Variants in SOX5 observed in about 807,000 individuals in gnomAD.
SOX5 encodes transcription factor SOX-5.
A neutral mutation model predicts 92.0 loss-of-function variants in SOX5; 9 were observed. The observed-to-expected ratio is 0.10, with a 90% confidence interval of 0.06 to 0.17. The LOEUF (loss-of-function observed/expected upper bound fraction) is 0.17. SOX5 is among the 10% of genes least tolerant of loss of function. SOX5 has a pLI of 1.00. For synonymous variants in SOX5, 344 were observed against 336.3 expected (o/e 1.02, Z -0.25); for missense variants, 642 against 944.5 (o/e 0.68, Z 4.20).
intron 10 of SOX5, among the ~76,000 whole-genome samples, chr12:23,567,656 A>G (rs921231974): frequency 2.1e-4 from 32 of 151,778 alleles, no homozygotes; most frequent in African/African-American, 7.7e-4. Flanking sequence ...GAGTCTTGCT[A>G]TGTTGCCCAG....
At chr12:23,855,241 A>C (rs1310911195) in intron 2 of SOX5, among the ~76,000 whole-genome samples, 2 of 152,018 alleles carry the variant, frequency 1.3e-5, no homozygotes, top group African/African-American at 4.8e-5. Flanking sequence ...AAATTTATTT[A>C]ATGTGGCCCA....
chr12:23,970,840 A>ATTTTTTTTTTTT lies in SOX5; in HGVS notation c.-1-74817_-1-74816insAAAAAAAAAAAA. Among the ~76,000 whole-genome samples, 109 of 33,474 alleles carry ATTTTTTTTTTTT rather than the reference A, an allele frequency of 3.3e-3. 11 individuals are homozygous for ATTTTTTTTTTTT. Among genetic ancestry groups the ATTTTTTTTTTTT allele is most frequent in the African/African-American group, 0.011 (104 of 9,762 alleles). The allele number at this position is 33,474 out of a possible 152,430, so 22.0% of individuals were successfully genotyped here. ...CACATGGGACTTTATATATATATAT[A>ATTTTTTTTTTTT]ATTTTTTTTTTTTTTTAAGAAATGG... On this transcript the variant is annotated intron_variant, in intron 4 of 4. Coordinates refer to the SOX5 transcript ENST00000446891.
At chr12:24,314,574 A>G (rs73287618) in intron 2 of SOX5, among the ~76,000 whole-genome samples, 3,775 of 152,166 alleles carry the variant, frequency 0.025, 148 homozygotes, top group African/African-American at 0.087. Context: ...AAAAAAAATT[A>G]TAACAGTTCT....
Position 24,282,988 on chromosome 12 carries a change from G to A in SOX5, c.-173-5676C>T, listed in dbSNP as rs142820766. ...CTTATGTGAGTTTCTTTGGCCAAGT[G>A]ATTAAAATACTTTAGCTTCTGTAAA... On this transcript the variant is annotated intron_variant, in intron 2 of 4. Transcript: ENST00000446891. Among the ~76,000 whole-genome samples, 61 of 152,306 alleles carry A rather than the reference G, an allele frequency of 4.0e-4. No individual in the cohort carries two copies. The East Asian group carries it at 0.011, about 27-fold the overall frequency.
chr12:24,312,677 G>C (rs933984385), intron 2 of SOX5, among the ~76,000 whole-genome samples: 1 of 152,140 alleles, frequency 6.6e-6, no homozygotes, highest in African/African-American at 2.4e-5. Flanking sequence ...AATTCAGAAA[G>C]ACATTTAATT....
chr12:23,706,126 T>A (rs551400494), intron 6 of SOX5, among the ~76,000 whole-genome samples: 6 of 152,074 alleles, frequency 3.9e-5, no homozygotes, highest in South Asian at 2.1e-4. Context: ...AGGGACATAA[T>A]CCCTTGTGTA....
intron 4 of SOX5, among the ~76,000 whole-genome samples, chr12:24,106,054 A>G (rs979922465): frequency 1.3e-5 from 2 of 152,206 alleles, no homozygotes; most frequent in African/African-American, 4.8e-5. Context: ...AAACTATAAA[A>G]GAAAAAATTG....
intron 4 of SOX5, among the ~76,000 whole-genome samples, chr12:23,999,082 A>T (rs1951328844): frequency 6.6e-6 from 1 of 151,870 alleles, no homozygotes; most frequent in South Asian, 2.1e-4. Flanking sequence ...CAGAAATAAA[A>T]AGGCCAGAAG....
At chr12:24,358,677 A>C (rs1323696569) in intron 2 of SOX5, among the ~76,000 whole-genome samples, 1 of 152,186 alleles carries the variant, frequency 6.6e-6, no homozygotes, top group Non-Finnish European at 1.5e-5. Context: ...GCTAATAAAC[A>C]TTATCAATAA....
At chr12:23,591,171 C>G (rs1258883239) in intron 9 of SOX5, among the ~76,000 whole-genome samples, 1 of 151,804 alleles carries the variant, frequency 6.6e-6, no homozygotes. Context: ...CATATTACTG[C>G]AGTTAAAAAA....
At chr12:23,856,599 C>G (rs562217802) in intron 2 of SOX5, among the ~76,000 whole-genome samples, 23 of 152,180 alleles carry the variant, frequency 1.5e-4, no homozygotes, top group Middle Eastern at 3.4e-3. Context: ...AAACTCCTTG[C>G]TGTGGTCATC....
At chr12:23,572,636 TAAC>T (rs1195540007) in intron 10 of SOX5, among the ~76,000 whole-genome samples, 3 of 152,192 alleles carry the variant, frequency 2.0e-5, no homozygotes, top group Admixed American at 6.5e-5. Context: ...ATTCCAGTTC[TAAC>T]AACATCACAA....
rs1939124420 is a variant in SOX5 at position 23,531,709 on chromosome 12, A to T, written c.*2510T>A. 1 of 152,270 alleles carries T rather than the reference A, an allele frequency of 6.6e-6. No homozygotes were observed. Among genetic ancestry groups the T allele is most frequent in the South Asian group, 2.1e-4 (1 of 4,828 alleles). 9.4% of individuals were successfully genotyped at this position (152,270 alleles called of 1,614,324 possible). On this transcript the variant is annotated 3_prime_UTR_variant, in exon 15 of 15. Coordinates refer to ENST00000451604, the MANE Select transcript of SOX5 (RefSeq NM_006940.6). ...ACAAAACAAACAAAAACAAAAAAAAATTGGCTCTAGATGACTGTGGCAATT... is the reference window on the plus strand; with the variant it reads ...ACAAAACAAACAAAAACAAAAAAAATTTGGCTCTAGATGACTGTGGCAATT...
At chr12:24,288,547 T>C (rs1946197669) in intron 2 of SOX5, among the ~76,000 whole-genome samples, 1 of 147,234 alleles carries the variant, frequency 6.8e-6, no homozygotes, top group Non-Finnish European at 1.5e-5. Flanking sequence ...TGAGATAAAT[T>C]GTTCATAAAA....
At chr12:23,543,086 T>G in intron 13 of SOX5, 125 bp downstream of exon 13, 1 of 678,418 alleles carries the variant, frequency 1.5e-6, no homozygotes, top group Non-Finnish European at 2.4e-6. Flanking sequence ...ATGATGATGT[T>G]TATTTTCTGG....
At chr12:24,326,398 C>T (rs1010912141) in intron 2 of SOX5, among the ~76,000 whole-genome samples, 3 of 152,112 alleles carry the variant, frequency 2.0e-5, no homozygotes, top group African/African-American at 7.2e-5. Flanking sequence ...TAATTGAGGG[C>T]TCACTGTACC....
rs1425235823 is a variant in SOX5 at position 24,320,868 on chromosome 12, AAAAAAT to A, written c.-173-43562_-173-43557del. 4.8e-5 allele frequency among the ~76,000 whole-genome samples: 7 copies of A among 145,716 alleles called. 1 individual carries two copies. The South Asian group carries it at 1.1e-3, about 22-fold the overall frequency. ...CGACAGAGCAAGACTCTGTCTCAAA[AAAAAAT>A]AATAATAATAATAATAATAATAATA... On this transcript the variant is annotated intron_variant, in intron 2 of 4. Coordinates refer to the SOX5 transcript ENST00000446891.
chr12:23,929,022 G>GT (rs758313975), intron 1 of SOX5, among the ~76,000 whole-genome samples: 44 of 151,114 alleles, frequency 2.9e-4, no homozygotes, highest in African/African-American at 5.6e-4. Flanking sequence ...CTCTGGTAGT[G>GT]TTTTTTTAAA....
chr12:23,552,268 AC>A (rs912096357), intron 11 of SOX5, among the ~76,000 whole-genome samples: 1 of 151,908 alleles, frequency 6.6e-6, no homozygotes, highest in African/African-American at 2.4e-5. Flanking sequence ...AGTTCAGAGC[AC>A]TTGGTAGAGG....
Sources: allele counts gnomAD v4.1 joint callset (sites outside exome capture counted in the v4.1 genomes callset), GRCh38; gene constraint gnomAD v4.1.1; transcripts MANE v1.5; gene names NCBI Gene and HGNC (gene_info 2026-07-23, HGNC 2026-07-21).